The following RTL1 variants were observed in gnomAD, a reference collection of about 807,000 sequenced individuals.
RTL1 encodes retrotransposon-like protein 1.
For missense variants in RTL1, 1,681 were observed against 1,767.5 expected, an observed-to-expected ratio of 0.95 and a Z score of 0.88; for synonymous variants, 727 against 748.4, an observed-to-expected ratio of 0.97 and a Z score of 0.47.
At position 100,880,907 on chromosome 14, in the gene RTL1, G is replaced by C. The variant is rs1158085693; in HGVS notation, c.3882C>G (p.Ser1294Arg). The C allele has an allele frequency of 1.6e-6, 2 of 1,278,502 alleles. No homozygotes were observed. Among genetic ancestry groups the C allele is most frequent in the Admixed American group, 2.7e-5 (1 of 36,926 alleles). The allele number at this position is 1,278,502 out of a possible 1,614,324, so 79.2% of individuals were successfully genotyped here. The change falls in exon 4 of 4, where the codon AGC becomes AGG. Residue 1294 changes from serine to arginine, a missense_variant. Coordinates refer to ENST00000649591, the MANE Select transcript of RTL1 (RefSeq NM_001134888.3). ...MDPQVLEFLG[S>R]RLLHIHSADG... ...CTGCACTGTGGATGTGGAGCAGGCGGCTACCAAGGAATTCCAGGACCTGGG... is the reference window on the plus strand; with the variant it reads ...CTGCACTGTGGATGTGGAGCAGGCGCCTACCAAGGAATTCCAGGACCTGGG...
chr14:100,882,710 C>G lies in RTL1; in HGVS notation c.2079G>C (p.Glu693Asp), dbSNP rs915068377. The G allele has an allele frequency of 6.4e-7, 1 of 1,551,952 alleles. No homozygotes were observed. Among genetic ancestry groups the G allele is most frequent in the African/African-American group, 1.4e-5 (1 of 73,166 alleles). The change falls in exon 4 of 4, where the codon GAG becomes GAC. Residue 693 changes from glutamate to aspartate, a missense_variant. Glu to Asp is a conservative substitution (Grantham distance 45). Coordinates refer to ENST00000649591, the MANE Select transcript of RTL1 (RefSeq NM_001134888.3). ...GCTGGTAGCTCTTCATCTCTTCAAG[C>G]TCCAAACCAAACGCTGCTTTCCACA... ...EDVWKAAFGL[E>D]LEEMKSYQPF...
At chr14:100,895,260 C>T (rs1019074734) in intron 2 of RTL1, among the ~76,000 whole-genome samples, 4 of 152,014 alleles carry the variant, frequency 2.6e-5, no homozygotes, top group African/African-American at 9.7e-5. Context: ...AGGGGTCTAC[C>T]TGGAGGTCAG....
rs79056646 is a variant in RTL1 at position 100,893,154 on chromosome 14, G to T, written c.-87+290C>A. ...CACAAGAGTGGGGGTCTCAGTGTCT[G>T]CCTCCATCTCCCCCAAAGGTGCTTG... On this transcript the variant is annotated intron_variant, in intron 3 of 3. Coordinates refer to ENST00000649591, the MANE Select transcript of RTL1 (RefSeq NM_001134888.3). The surrounding 1 kb of genome is among the most constrained non-coding windows in gnomAD (Gnocchi z 4.2). Among the ~76,000 whole-genome samples, 939 of 152,288 alleles carry T rather than the reference G, an allele frequency of 6.2e-3. 13 individuals are homozygous for T. Among genetic ancestry groups the T allele is most frequent in the African/African-American group, 0.022 (904 of 41,550 alleles).
At chr14:100,902,829 T>G (rs1294295648) in intron 2 of RTL1, among the ~76,000 whole-genome samples, 1 of 152,132 alleles carries the variant, frequency 6.6e-6, no homozygotes, top group Non-Finnish European at 1.5e-5. Context: ...CATCAGACAC[T>G]TCATAAATGC....
chr14:100,898,293 C>T (rs551566153), intron 2 of RTL1, among the ~76,000 whole-genome samples: 23 of 152,230 alleles, frequency 1.5e-4, no homozygotes, highest in Admixed American at 2.6e-4. Flanking sequence ...AACTAATGCC[C>T]GATAAAAAAG....
rs2038588208 is a variant in RTL1 at position 100,880,286 on chromosome 14, C to T, written c.*426G>A. 6.6e-6 allele frequency among the ~76,000 whole-genome samples: 1 copy of T among 151,934 alleles called. No individual in the cohort carries two copies. Among genetic ancestry groups the T allele is most frequent in the Non-Finnish European group, 1.5e-5 (1 of 67,972 alleles). The stretch of plus-strand genomic sequence containing the variant: ...GGAGGTAGAAGAAGTCAGTGGAGCA[C>T]CCGAGGTCAGTGTCCCAGGGTGGCC... On this transcript the variant is annotated 3_prime_UTR_variant, in exon 4 of 4. Transcript: ENST00000649591.
Position 100,880,717 on chromosome 14 carries a change from C to T in RTL1, c.4072G>A (p.Asp1358Asn), listed in dbSNP as rs988715630. The T allele has an allele frequency of 1.4e-5, 22 of 1,550,628 alleles. No individual in the cohort carries two copies. The highest frequency in any genetic ancestry group is 3.3e-4 in the Middle Eastern group (2 of 6,008). Residue 1358 changes from aspartate (D) to asparagine (N), a missense_variant, in exon 4 of 4, where the codon GAC (aspartate) becomes AAC (asparagine). Coordinates refer to ENST00000649591, the MANE Select transcript of RTL1 (RefSeq NM_001134888.3). ...LPDEDEDANL[D>N] ...CTGGAGACAGGGAGGCGTCTTCAGT[C>T]GAGGTTAGCATCTTCGTCCTCATCA...
At chr14:100,903,487 C>T (rs1283662842) in intron 1 of RTL1, among the ~76,000 whole-genome samples, 101 bp from the exon 2 acceptor site, 1 of 152,170 alleles carries the variant, frequency 6.6e-6, no homozygotes, top group East Asian at 1.9e-4. Context: ...GGAGCCAAGT[C>T]CCGAACTGGG....
chr14:100,881,717 C>G lies in RTL1; in HGVS notation c.3072G>C (p.Arg1024Ser). Reference protein sequence around the residue: ...TLLLASRGFPRDPSTESGEEE... With the variant: ...TLLLASRGFPSDPSTESGEEE... ...CTTCCCCGGATTCCGTCGATGGATC[C>G]CTGGGGAATCCCCTTGAGGCCAGCA... Residue 1024 changes from arginine to serine, a missense_variant, in exon 4 of 4, where the codon AGG becomes AGC. By Grantham distance (110) the Arg-to-Ser change is moderately radical. Transcript: ENST00000649591. This position sits in a 1 kb window ranked among gnomAD's most constrained non-coding sequence, Gnocchi z 6.6. The G allele has an allele frequency of 6.3e-7, 1 of 1,594,832 alleles. No individual in the cohort carries two copies. The highest frequency in any genetic ancestry group is 8.5e-7 in the Non-Finnish European group (1 of 1,170,144).
chr14:100,893,216 C>T lies in RTL1; in HGVS notation c.-87+228G>A, dbSNP rs1039890436. Among the ~76,000 whole-genome samples the T allele has an allele frequency of 1.7e-4, 26 of 152,098 alleles. No homozygotes were observed. The highest frequency in any genetic ancestry group is 7.2e-4 in the Admixed American group (11 of 15,254). On this transcript the variant is annotated intron_variant, in intron 3 of 3. Coordinates refer to ENST00000649591, the MANE Select transcript of RTL1 (RefSeq NM_001134888.3). This position sits in a 1 kb window ranked among gnomAD's most constrained non-coding sequence, Gnocchi z 4.2. ...AACTCATTCTAGCTTATTTGGTGTT[C>T]GAGGAGGGACAGGACAGCTGGCCCA...
rs769849977 is a variant in RTL1 at position 100,891,183 on chromosome 14, C to T, written c.-87+2261G>A. On this transcript the variant is annotated intron_variant, in intron 3 of 3. Transcript: ENST00000649591. ...TAGCTTATGTTGGAGTCCCTCCCCC[C>T]GGGACCCTTCAATCTTGCACACCCC... Among the ~76,000 whole-genome samples, 6 of 152,194 alleles carry T rather than the reference C, an allele frequency of 3.9e-5. No individual in the cohort carries two copies. In the South Asian group the frequency reaches 6.2e-4, roughly 16 times the overall value.
intron 1 of RTL1, among the ~76,000 whole-genome samples, 92 bp downstream of exon 1, chr14:100,903,513 T>C (rs2038970825): frequency 6.6e-6 from 1 of 152,144 alleles, no homozygotes; most frequent in Non-Finnish European, 1.5e-5. Context: ...TGCAAAGAAC[T>C]CACCCGGGCA....
At position 100,886,214 on chromosome 14, in the gene RTL1, T is replaced by TAA. The variant is rs11400270; in HGVS notation, c.-86-1342_-86-1341dup. 2.2e-3 allele frequency among the ~76,000 whole-genome samples: 296 copies of TAA among 131,766 alleles called. 1 individual carries two copies. Among genetic ancestry groups the TAA allele is most frequent in the African/African-American group, 5.0e-3 (184 of 36,796 alleles). 86.4% of individuals were successfully genotyped at this position (131,766 alleles called of 152,430 possible). On this transcript the variant is annotated intron_variant, in intron 3 of 3. Transcript: ENST00000649591. ...TCTTCTAAGCCACTGGACCCATCCG[T>TAA]AAAAAAAAAAAAAAAAACTGCGTTC...
intron 3 of RTL1, among the ~76,000 whole-genome samples, chr14:100,889,383 G>A (rs2038737556): frequency 6.6e-6 from 1 of 152,074 alleles, no homozygotes. Flanking sequence ...AAAAATCTTT[G>A]GATTGCTCTT....
chr14:100,902,489 G>T (rs2038956053), intron 2 of RTL1, among the ~76,000 whole-genome samples: 1 of 152,218 alleles, frequency 6.6e-6, no homozygotes, highest in Non-Finnish European at 1.5e-5. Context: ...CGGCTTCTCA[G>T]CCCTCTTGGG....
intron 3 of RTL1, among the ~76,000 whole-genome samples, chr14:100,886,883 A>G (rs1393580124): frequency 6.6e-6 from 1 of 152,208 alleles, no homozygotes; most frequent in Non-Finnish European, 1.5e-5. Context: ...CCCCCTCTTA[A>G]TATAAAGTCT....
Position 100,882,958 on chromosome 14 carries a change from G to C in RTL1, c.1831C>G (p.Pro611Ala), listed in dbSNP as rs775956721. The C allele has an allele frequency of 1.2e-6, 2 of 1,613,904 alleles. No homozygotes were observed. Among genetic ancestry groups the C allele is most frequent in the African/African-American group, 2.7e-5 (2 of 75,044 alleles). ...ACAGGTTCCCAAGGCGCGGTGGAGG[G>C]ACACTCGTAAAAGGTCTCGCTGTGA... ...SDHSETFYEC[P>A]STAPWEPVGA... The change falls in exon 4 of 4, where the codon CCC (proline) becomes GCC (alanine). Residue 611 changes from proline (P) to alanine (A), a missense_variant. Coordinates refer to ENST00000649591, the MANE Select transcript of RTL1 (RefSeq NM_001134888.3).
At chr14:100,903,072 C>T (rs752780741) in intron 2 of RTL1, among the ~76,000 whole-genome samples, 1 of 152,178 alleles carries the variant, frequency 6.6e-6, no homozygotes, top group African/African-American at 2.4e-5. Context: ...GCAGAGCCCA[C>T]ATCTGCATTT....
chr14:100,901,031 C>T (rs538313494), intron 2 of RTL1, among the ~76,000 whole-genome samples: 1 of 152,174 alleles, frequency 6.6e-6, no homozygotes, highest in South Asian at 2.1e-4. Context: ...GAAGGCAAAC[C>T]AGCCTGCGCA....
Sources: allele counts gnomAD v4.1 joint callset (sites outside exome capture counted in the v4.1 genomes callset), GRCh38; gene constraint gnomAD v4.1.1; non-coding constraint Gnocchi (gnomAD v3.1); transcripts MANE v1.5; gene names NCBI Gene and HGNC (gene_info 2026-07-23, HGNC 2026-07-21).